The following LNX2 variants were observed in gnomAD, a reference collection of about 807,000 sequenced individuals.
LNX2 encodes the protein ligand of Numb protein X 2.
In LNX2, 35 loss-of-function variants were observed where a neutral mutation model predicts 66.2. That is an observed-to-expected ratio of 0.53 (90% CI 0.40 to 0.70). LNX2 has a LOEUF of 0.70. Among genes scored for constraint, LNX2 ranks in the 30% least tolerant of loss-of-function variants. The pLI, the probability that LNX2 is intolerant of heterozygous loss-of-function variation, is 0.00. For missense variants in LNX2, 791 were observed against 850.8 expected (o/e 0.93, Z 0.87); for synonymous variants, 337 against 315.6 (o/e 1.07, Z -0.72).
intron 1 of LNX2, among the ~76,000 whole-genome samples, chr13:27,618,118 C>T (rs1436849359): frequency 6.6e-6 from 1 of 152,194 alleles, no homozygotes; most frequent in Non-Finnish European, 1.5e-5. Context: ...CCAGCTTACC[C>T]AGTACATGTC....
chr13:27,558,353 C>G (rs549226906), intron 6 of LNX2, among the ~76,000 whole-genome samples: 2 of 152,084 alleles, frequency 1.3e-5, no homozygotes, highest in African/African-American at 4.8e-5. Flanking sequence ...AATTCAGCAT[C>G]ACTATTTAGA....
intron 4 of LNX2, among the ~76,000 whole-genome samples, chr13:27,565,057 T>C (rs1354657718): frequency 6.6e-6 from 1 of 152,158 alleles, no homozygotes; most frequent in Non-Finnish European, 1.5e-5. Flanking sequence ...AGATTGCCAT[T>C]ATTGGAGTTA....
chr13:27,558,846 A>G (rs905668590), intron 6 of LNX2, among the ~76,000 whole-genome samples: 3 of 152,142 alleles, frequency 2.0e-5, no homozygotes, highest in Non-Finnish European at 4.4e-5. Context: ...AAAACCATAT[A>G]AACCCAATGG....
At chr13:27,568,509 C>A (rs1955233938) in intron 3 of LNX2, among the ~76,000 whole-genome samples, 1 of 151,932 alleles carries the variant, frequency 6.6e-6, no homozygotes, top group Admixed American at 6.6e-5. Context: ...AAATACAAAC[C>A]CAGTCATTTA....
chr13:27,619,449 A>C (rs1411069861), intron 1 of LNX2, among the ~76,000 whole-genome samples: 1 of 152,240 alleles, frequency 6.6e-6, no homozygotes, highest in African/African-American at 2.4e-5. Flanking sequence ...CCTGGGAAGA[A>C]GGCCAATTTA....
chr13:27,569,141 C>G lies in LNX2; in HGVS notation c.543G>C (p.Leu181Phe). 6.2e-7 allele frequency: 1 copy of G among 1,612,864 alleles called. No homozygotes were observed. Among genetic ancestry groups the G allele is most frequent in the East Asian group, 2.2e-5 (1 of 44,868 alleles). Residue 181 changes from leucine (L) to phenylalanine (F), a missense_variant, in exon 3 of 10, where the codon TTG becomes TTC. Coordinates refer to ENST00000316334, the MANE Select transcript of LNX2 (RefSeq NM_153371.4). ...AGTLSPEADC[L>F]GTGAVPVERH... ...GCTCCACAGGCACTGCGCCTGTCCC[C>G]AAACAGTCTGCTTCTGGAGATAAGG...
chr13:27,565,124 C>A (rs1196323767), intron 4 of LNX2, among the ~76,000 whole-genome samples: 1 of 152,134 alleles, frequency 6.6e-6, no homozygotes, highest in Non-Finnish European at 1.5e-5. Context: ...ACAATGTAGA[C>A]TTTATAACTG....
rs558193681 is a variant in LNX2, at chr13:27,583,547, T to C, written c.-100-1744A>G. Reference sequence around the variant, plus strand: ...TGCTGATTACAGGTGTAAGCCACCATGCCCGGCCCTCCAATATAACTCTTA... The same window carrying C: ...TGCTGATTACAGGTGTAAGCCACCACGCCCGGCCCTCCAATATAACTCTTA... On this transcript the variant is annotated intron_variant, in intron 1 of 9. Transcript: ENST00000316334. Among the ~76,000 whole-genome samples, 5 of 152,194 alleles carry C rather than the reference T, an allele frequency of 3.3e-5. No homozygotes were observed. The East Asian group carries it at 9.7e-4, about 30-fold the overall frequency.
At position 27,548,291 on chromosome 13, in the gene LNX2, A is replaced by G; in HGVS notation, c.*44T>C. ...GAAACCAAAGGGTTTTCTTTCAAAAATCTAAAAAAGGAAGATGCAAGATTT... is the reference window on the plus strand; with the variant it reads ...GAAACCAAAGGGTTTTCTTTCAAAAGTCTAAAAAAGGAAGATGCAAGATTT... On this transcript the variant is annotated 3_prime_UTR_variant, in exon 10 of 10. Transcript: ENST00000316334. 6.3e-7 allele frequency: 1 copy of G among 1,586,812 alleles called. No homozygotes were observed. Among genetic ancestry groups the G allele is most frequent in the Non-Finnish European group, 8.6e-7 (1 of 1,164,578 alleles).
chr13:27,586,025 T>C (rs1390730043), intron 1 of LNX2, among the ~76,000 whole-genome samples: 1 of 148,246 alleles, frequency 6.7e-6, no homozygotes, highest in East Asian at 1.9e-4. Context: ...TATACTTACA[T>C]ACATATATAT....
At chr13:27,589,028 G>A (rs1199148131) in intron 1 of LNX2, among the ~76,000 whole-genome samples, 2 of 152,186 alleles carry the variant, frequency 1.3e-5, no homozygotes, top group African/African-American at 2.4e-5. Context: ...TTTTGACCCT[G>A]TGGATTCAAT....
intron 4 of LNX2, among the ~76,000 whole-genome samples, chr13:27,565,790 T>C (rs1253025879): frequency 6.6e-6 from 1 of 152,190 alleles, no homozygotes; most frequent in Non-Finnish European, 1.5e-5. Context: ...GTGTTAATTA[T>C]TTTCAGGAAT....
intron 9 of LNX2, among the ~76,000 whole-genome samples, chr13:27,549,884 T>C (rs1954985489): frequency 6.6e-6 from 1 of 152,342 alleles, no homozygotes; most frequent in East Asian, 1.9e-4. Context: ...AGCAGAGTCA[T>C]CTAATGACAG....
At chr13:27,620,825 GCTAGGTGTCTGCGCGCACC>G (rs2138510229), upstream of LNX2, 1 of 153,348 alleles carries the variant, frequency 6.5e-6, no homozygotes, top group East Asian at 1.9e-4. Context: ...AGCCCCGCTG[GCTAGGTGTCTGCGCGCACC>G]CCCGGCCGCC....
chr13:27,573,443 TAAA>T (rs60543818), intron 2 of LNX2, among the ~76,000 whole-genome samples: 1,809 of 146,748 alleles, frequency 0.012, 30 homozygotes, highest in African/African-American at 0.039. Context: ...AAGCATTGGT[TAAA>T]AAAAAAAAAA....
intron 1 of LNX2, among the ~76,000 whole-genome samples, chr13:27,618,875 G>A (rs1955856343): frequency 6.6e-6 from 1 of 152,166 alleles, no homozygotes; most frequent in East Asian, 1.9e-4. Flanking sequence ...CCAATCTGAA[G>A]ACTAAGTGCC....
chr13:27,577,936 T>C (rs190859672), intron 2 of LNX2, among the ~76,000 whole-genome samples: 24 of 152,338 alleles, frequency 1.6e-4, no homozygotes, highest in Non-Finnish European at 2.8e-4. Context: ...ATGTTACATA[T>C]TTAGTACAAC....
chr13:27,558,160 T>C (rs1955086047), intron 6 of LNX2, among the ~76,000 whole-genome samples: 1 of 152,132 alleles, frequency 6.6e-6, no homozygotes, highest in African/African-American at 2.4e-5. Context: ...AGAATGATTA[T>C]AATTGTCTGA....
At chr13:27,585,428 GA>G (rs982423609) in intron 1 of LNX2, among the ~76,000 whole-genome samples, 2 of 149,084 alleles carry the variant, frequency 1.3e-5, no homozygotes, top group African/African-American at 4.9e-5. Flanking sequence ...TCTCAAAAAG[GA>G]AAAAAATAAA....
Sources: allele counts gnomAD v4.1 joint callset (sites outside exome capture counted in the v4.1 genomes callset), GRCh38; gene constraint gnomAD v4.1.1; transcripts MANE v1.5; gene names NCBI Gene and HGNC (gene_info 2026-07-23, HGNC 2026-07-21).